Variants in CNTNAP2 observed in about 807,000 individuals in gnomAD.
CNTNAP2 encodes contactin-associated protein-like 2.
Under a neutral mutation model 155.2 loss-of-function variants are expected in CNTNAP2, and 98 were observed. The ratio of observed to expected loss-of-function variants is 0.63; its 90% CI spans 0.54 to 0.75. CNTNAP2 has a LOEUF of 0.75. CNTNAP2 is among the 30% of genes least tolerant of loss of function. The pLI is 0.00. For missense variants in CNTNAP2, 1,727 were observed against 1,688.1 expected (o/e 1.02, Z -0.40); for synonymous variants, 651 against 631.2 (o/e 1.03, Z -0.47).
At position 147,366,115 on chromosome 7, in the gene CNTNAP2, A is replaced by C. The variant is rs556288946; in HGVS notation, c.1499-29494A>C. ...AGTCATTATTTTAGATGCAAATAGC[A>C]TAATAGTCTTAAGGCTATTCAGGCG... On this transcript the variant is annotated intron_variant, in intron 9 of 23. Coordinates refer to ENST00000361727, the MANE Select transcript of CNTNAP2 (RefSeq NM_014141.6). Among the ~76,000 whole-genome samples, 22 of 152,340 alleles carry C rather than the reference A, an allele frequency of 1.4e-4. No individual in the cohort carries two copies. The East Asian group carries it at 4.2e-3, about 29-fold the overall frequency.
At chr7:147,401,883 C>T (rs747206526) in intron 10 of CNTNAP2, among the ~76,000 whole-genome samples, 3 of 152,140 alleles carry the variant, frequency 2.0e-5, no homozygotes, top group Non-Finnish European at 2.9e-5. Context: ...AATTAAAACT[C>T]TTTTCTTTAT....
intron 3 of CNTNAP2, among the ~76,000 whole-genome samples, chr7:146,928,219 A>G (rs1563005751): frequency 6.6e-6 from 1 of 152,094 alleles, no homozygotes. Context: ...ATAATATTCA[A>G]CTGTATTGTT....
intron 15 of CNTNAP2, among the ~76,000 whole-genome samples, chr7:148,057,213 G>A (rs1438222285): frequency 6.6e-6 from 1 of 152,152 alleles, no homozygotes; most frequent in Non-Finnish European, 1.5e-5. Flanking sequence ...CAGTCATGAG[G>A]AAGCAGAATT....
At chr7:147,252,522 T>A (rs2116662085) in intron 8 of CNTNAP2, among the ~76,000 whole-genome samples, 1 of 152,270 alleles carries the variant, frequency 6.6e-6, no homozygotes, top group East Asian at 1.9e-4. Context: ...TTTCAATTGC[T>A]TCCTCTATAA....
At chr7:148,332,901 A>G (rs1200375955) in intron 21 of CNTNAP2, among the ~76,000 whole-genome samples, 1 of 152,234 alleles carries the variant, frequency 6.6e-6, no homozygotes. Context: ...AACCAAGTAT[A>G]AAATAGGATC....
At chr7:146,310,701 A>G (rs1295553872) in intron 1 of CNTNAP2, among the ~76,000 whole-genome samples, 1 of 152,110 alleles carries the variant, frequency 6.6e-6, no homozygotes, top group Non-Finnish European at 1.5e-5. Context: ...ACTACGATCA[A>G]AGTAGCAACT....
intron 1 of CNTNAP2, among the ~76,000 whole-genome samples, chr7:146,433,481 G>A (rs1796199517): frequency 6.6e-6 from 1 of 152,154 alleles, no homozygotes; most frequent in South Asian, 2.1e-4. Context: ...CATTGACAAA[G>A]GCTTCTCTTT....
At chr7:146,661,794 G>T (rs1563177577) in intron 1 of CNTNAP2, among the ~76,000 whole-genome samples, 1 of 149,922 alleles carries the variant, frequency 6.7e-6, no homozygotes, top group Admixed American at 6.6e-5. Flanking sequence ...GTAGGCACAT[G>T]TATTCATTAT....
chr7:146,687,735 C>T (rs1039413113), intron 1 of CNTNAP2, among the ~76,000 whole-genome samples: 10 of 151,920 alleles, frequency 6.6e-5, no homozygotes, highest in Non-Finnish European at 1.5e-4. Flanking sequence ...ATATATTTAG[C>T]AATAAGGAGA....
chr7:147,216,638 C>T (rs1803276646), intron 8 of CNTNAP2, among the ~76,000 whole-genome samples: 1 of 151,982 alleles, frequency 6.6e-6, no homozygotes, highest in African/African-American at 2.4e-5. Flanking sequence ...TGTTCTTCTC[C>T]TTCAACATTT....
intron 8 of CNTNAP2, among the ~76,000 whole-genome samples, chr7:147,187,897 C>A (rs937921302): frequency 6.6e-6 from 1 of 151,908 alleles, no homozygotes; most frequent in African/African-American, 2.4e-5. Context: ...CTGTCTCTAC[C>A]AAAAATATAA....
At chr7:147,017,823 A>G (rs879925251) in intron 3 of CNTNAP2, among the ~76,000 whole-genome samples, 6 of 152,098 alleles carry the variant, frequency 3.9e-5, no homozygotes, top group Non-Finnish European at 7.4e-5. Context: ...TTTAAAAAAT[A>G]AAAGATATGA....
intron 1 of CNTNAP2, among the ~76,000 whole-genome samples, chr7:146,707,350 A>G (rs982395337): frequency 6.6e-6 from 1 of 152,186 alleles, no homozygotes; most frequent in South Asian, 2.1e-4. Context: ...TGTCTTCAGT[A>G]TAACCTTCAT....
At chr7:147,200,052 T>C (rs933050617) in intron 8 of CNTNAP2, among the ~76,000 whole-genome samples, 2 of 151,812 alleles carry the variant, frequency 1.3e-5, no homozygotes, top group South Asian at 4.2e-4. Flanking sequence ...CCTCAGCCAG[T>C]TTCCCCCTCC....
At chr7:147,479,533 A>T (rs890579462) in intron 10 of CNTNAP2, among the ~76,000 whole-genome samples, 1 of 152,208 alleles carries the variant, frequency 6.6e-6, no homozygotes, top group Non-Finnish European at 1.5e-5. Flanking sequence ...TGGGCCAGCA[A>T]TCTTTCAAAA....
At chr7:146,138,993 G>A (rs973116431) in intron 1 of CNTNAP2, among the ~76,000 whole-genome samples, 1 of 152,094 alleles carries the variant, frequency 6.6e-6, no homozygotes, top group African/African-American at 2.4e-5. Context: ...ATTGAATACA[G>A]CTAGCCTACA....
At chr7:147,444,046 T>A (rs1360907403) in intron 10 of CNTNAP2, among the ~76,000 whole-genome samples, 1 of 152,212 alleles carries the variant, frequency 6.6e-6, no homozygotes, top group Non-Finnish European at 1.5e-5. Context: ...GGTCTTGGTT[T>A]TGTTCCTATC....
At chr7:147,205,260 C>T (rs960478665) in intron 8 of CNTNAP2, among the ~76,000 whole-genome samples, 1 of 152,178 alleles carries the variant, frequency 6.6e-6, no homozygotes. Context: ...CCTTCTAAGT[C>T]TCCAGTGTGC....
intron 1 of CNTNAP2, among the ~76,000 whole-genome samples, chr7:146,281,522 C>T (rs1045645583): frequency 8.5e-5 from 13 of 152,124 alleles, no homozygotes; most frequent in Admixed American, 8.5e-4. Flanking sequence ...TTCAGCTGGG[C>T]GCAGTGGCTC....
Sources: allele counts gnomAD v4.1 joint callset (sites outside exome capture counted in the v4.1 genomes callset), GRCh38; gene constraint gnomAD v4.1.1; transcripts MANE v1.5; gene names NCBI Gene and HGNC (gene_info 2026-07-23, HGNC 2026-07-21).